Variants in LRP1B observed in about 807,000 individuals in gnomAD.
LRP1B encodes the protein LDL receptor related protein 1B.
LRP1B carries 217 observed loss-of-function variants against 556.6 expected under a neutral mutation model. The ratio of observed to expected loss-of-function variants is 0.39; its 90% CI spans 0.35 to 0.44. The LOEUF is 0.44. Among genes scored for constraint, LRP1B ranks in the 20% least tolerant of loss-of-function variants. The pLI is 1.00. For missense variants in LRP1B, 5,053 were observed against 5,620.8 expected, an observed-to-expected ratio of 0.90 and a Z score of 3.23; for synonymous variants, 2,047 against 1,865.8, an observed-to-expected ratio of 1.10 and a Z score of -2.50.
rs2105036819 is a variant in LRP1B at position 140,813,773 on chromosome 2, T to A, written c.5243A>T (p.Tyr1748Phe). 2 of 1,609,438 alleles carry A rather than the reference T, an allele frequency of 1.2e-6. No individual in the cohort carries two copies. Among genetic ancestry groups the A allele is most frequent in the Non-Finnish European group, 1.7e-6 (2 of 1,176,064 alleles). The stretch of plus-strand genomic sequence containing the variant: ...GGTTCCATTCCCTGAACTGATCCAA[T>A]AAAGCTTGTTTTCCACATAGTCTAT... The part of the protein sequence containing the change: ...LSIDYVENKL[Y>F]WISSGNGTIN... Residue 1748 changes from tyrosine to phenylalanine, a missense_variant, in exon 32 of 91, where the codon TAT becomes TTT. Coordinates refer to ENST00000389484, the MANE Select transcript of LRP1B (RefSeq NM_018557.3).
chr2:141,749,848 T>C (rs62168669), intron 2 of LRP1B, among the ~76,000 whole-genome samples: 12,351 of 152,112 alleles, frequency 0.081, 536 homozygotes, highest in Admixed American at 0.12. Flanking sequence ...ATCCTGGGGA[T>C]TGAAGGTGAT....
At chr2:140,903,419 A>G (rs1694159324) in intron 22 of LRP1B, among the ~76,000 whole-genome samples, 2 of 152,080 alleles carry the variant, frequency 1.3e-5, no homozygotes, top group Admixed American at 6.6e-5. Context: ...ACTTGGGAGT[A>G]TAGTTTGCTT....
At chr2:140,582,916 C>A (rs1202196749) in intron 43 of LRP1B, among the ~76,000 whole-genome samples, 3 of 152,102 alleles carry the variant, frequency 2.0e-5, no homozygotes, top group Non-Finnish European at 4.4e-5. Context: ...TTAGGTTCAG[C>A]TTTTACATGT....
At chr2:141,861,840 G>A (rs1188905588) in intron 1 of LRP1B, among the ~76,000 whole-genome samples, 5 of 151,882 alleles carry the variant, frequency 3.3e-5, no homozygotes, top group Admixed American at 6.6e-5. Flanking sequence ...TGAGGCAGGA[G>A]AATTGCTTGA....
In LRP1B at chr2:140,370,922, A is replaced by G. The variant is rs989628209; in HGVS notation, c.10876-80T>C. ...TGGGCAAAATAAACATGCAGCTTGTAATACTAGAGCTTTATTATACCATGG... is the reference window on the plus strand; with the variant it reads ...TGGGCAAAATAAACATGCAGCTTGTGATACTAGAGCTTTATTATACCATGG... On this transcript the variant is annotated intron_variant, in intron 70 of 90. Transcript: ENST00000389484. 5.2e-5 allele frequency: 74 copies of G among 1,436,754 alleles called. 1 individual carries two copies. The Admixed American group carries it at 1.3e-3, about 26-fold the overall frequency. The allele number at this position is 1,436,754 out of a possible 1,614,324, so 89.0% of individuals were successfully genotyped here.
rs562258848 is a variant in LRP1B, at chr2:141,548,624, T to C, written c.206-68091A>G. Among the ~76,000 whole-genome samples, 9 of 152,100 alleles carry C rather than the reference T, an allele frequency of 5.9e-5. No individual in the cohort carries two copies. In the East Asian group the frequency reaches 1.7e-3, roughly 29 times the overall value. On this transcript the variant is annotated intron_variant, in intron 2 of 90. Coordinates refer to ENST00000389484, the MANE Select transcript of LRP1B (RefSeq NM_018557.3). The stretch of plus-strand genomic sequence containing the variant: ...TAAAGATCTTTGACCTTGGGTAGGA[T>C]TTTTTTTGGTACATGACCCAAGACT...
chr2:142,064,966 G>A (rs1286076512), intron 1 of LRP1B, among the ~76,000 whole-genome samples: 1 of 143,054 alleles, frequency 7.0e-6, no homozygotes, highest in Admixed American at 7.4e-5. Context: ...TTTGGGCTTT[G>A]TCTTAATATA....
At chr2:141,228,833 T>C (rs1197299251) in intron 6 of LRP1B, among the ~76,000 whole-genome samples, 2 of 152,172 alleles carry the variant, frequency 1.3e-5, no homozygotes, top group Non-Finnish European at 2.9e-5. Flanking sequence ...AATGCACTTA[T>C]AATTATCAAC....
intron 3 of LRP1B, chr2:141,286,632 C>A (rs1685731706): frequency 3.5e-6 from 1 of 283,410 alleles, no homozygotes; most frequent in Non-Finnish European, 7.6e-6. Flanking sequence ...AATTTAACAT[C>A]TTTAATCGAT....
At chr2:140,480,923 G>A (rs1482726017) in intron 59 of LRP1B, among the ~76,000 whole-genome samples, 2 of 152,028 alleles carry the variant, frequency 1.3e-5, no homozygotes, top group African/African-American at 2.4e-5. Context: ...CTGGAGTGCA[G>A]TGGCACCATC....
At chr2:140,606,025 AAG>A (rs541895855) in intron 41 of LRP1B, among the ~76,000 whole-genome samples, 33 of 150,684 alleles carry the variant, frequency 2.2e-4, no homozygotes, top group Admixed American at 3.3e-4. Context: ...GGGTGGGGTA[AAG>A]AGAGAGAGAG....
chr2:140,259,654 A>T (rs1052090513), intron 86 of LRP1B, among the ~76,000 whole-genome samples: 30 of 152,076 alleles, frequency 2.0e-4, no homozygotes, highest in African/African-American at 6.5e-4. Flanking sequence ...CATTAAGAAC[A>T]TATTACATGG....
At chr2:140,661,910 A>G (rs1685110769) in intron 41 of LRP1B, among the ~76,000 whole-genome samples, 1 of 152,192 alleles carries the variant, frequency 6.6e-6, no homozygotes, top group African/African-American at 2.4e-5. Context: ...TTAAAATATG[A>G]GAAATAAGCA....
intron 3 of LRP1B, among the ~76,000 whole-genome samples, chr2:141,356,825 T>A (rs922409622): frequency 1.3e-5 from 2 of 152,122 alleles, no homozygotes; most frequent in Non-Finnish European, 2.9e-5. Context: ...CTTGTGATTG[T>A]AAGCCATACC....
chr2:140,700,298 T>C lies in LRP1B; in HGVS notation c.6751A>G (p.Ile2251Val), dbSNP rs1686585106. ...TCCCAGTTGTCTTTAATAAGCTGTA[T>C]ATTTCCAAAGTGTGCATCACTGTAA... ...IFYSDAHFGN[I>V]QLIKDNWEDR... Residue 2251 changes from isoleucine to valine, a missense_variant, in exon 41 of 91, where the codon ATA becomes GTA. This residue lies in a region of LRP1B where 3,619 missense variants were observed against 3,931.9 expected (regional missense o/e 0.92). Coordinates refer to ENST00000389484, the MANE Select transcript of LRP1B (RefSeq NM_018557.3). 1 of 1,612,764 alleles carries C rather than the reference T, an allele frequency of 6.2e-7. No homozygotes were observed. Among genetic ancestry groups the C allele is most frequent in the Non-Finnish European group, 8.5e-7 (1 of 1,179,212 alleles).
At chr2:141,125,054 G>A (rs547254930) in intron 7 of LRP1B, among the ~76,000 whole-genome samples, 3 of 152,066 alleles carry the variant, frequency 2.0e-5, no homozygotes, top group South Asian at 4.2e-4. Context: ...GAAATGAAAA[G>A]GGAAAACTAT....
chr2:140,625,434 T>C (rs1322944808), intron 41 of LRP1B, among the ~76,000 whole-genome samples: 1 of 152,062 alleles, frequency 6.6e-6, no homozygotes, highest in Non-Finnish European at 1.5e-5. Flanking sequence ...GTCAAGAGAA[T>C]AGGAAGATAA....
intron 2 of LRP1B, among the ~76,000 whole-genome samples, chr2:141,564,754 G>A (rs530380688): frequency 1.3e-5 from 2 of 151,992 alleles, no homozygotes; most frequent in African/African-American, 2.4e-5. Context: ...GAGCTTCATC[G>A]AACAGAGAAC....
intron 54 of LRP1B, 138 bp downstream of exon 54, chr2:140,502,825 C>G: frequency 1.3e-6 from 1 of 761,138 alleles, no homozygotes; most frequent in Non-Finnish European, 2.1e-6. Context: ...TTACTAGTAC[C>G]CTGCATGGTG....
Sources: allele counts gnomAD v4.1 joint callset (sites outside exome capture counted in the v4.1 genomes callset), GRCh38; gene constraint gnomAD v4.1.1; regional missense constraint gnomAD v4.1.1; transcripts MANE v1.5; gene names NCBI Gene and HGNC (gene_info 2026-07-23, HGNC 2026-07-21).